Variants in YEATS4 observed in about 807,000 individuals in gnomAD.
YEATS4 encodes YEATS domain containing 4.
In YEATS4, 17 loss-of-function variants were observed where a neutral mutation model predicts 30.1. That is an observed-to-expected ratio of 0.56 (90% CI 0.39 to 0.85). The LOEUF is 0.85. YEATS4 is among the 40% of genes least tolerant of loss of function. The pLI is 0.00. For missense variants in YEATS4, 142 were observed against 268.3 expected, an observed-to-expected ratio of 0.53 and a Z score of 3.29; for synonymous variants, 85 against 87.5, an observed-to-expected ratio of 0.97 and a Z score of 0.16.
the YEATS4 span, among the ~76,000 whole-genome samples, chr12:69,417,922 A>G: frequency 2.6e-5 from 4 of 151,144 alleles, no homozygotes; most frequent in African/African-American, 9.7e-5. Flanking sequence ...AAAACTGCTG[A>G]TGGGGAAATC....
Position 69,362,924 on chromosome 12 carries a change from TC to T in YEATS4, c.171+18del. The T allele has an allele frequency of 6.5e-7, 1 of 1,547,394 alleles. No individual in the cohort carries two copies. The highest frequency in any genetic ancestry group is 8.7e-7 in the Non-Finnish European group (1 of 1,149,134). The stretch of plus-strand genomic sequence containing the variant: ...AGAAATGAGGTAGGCACTCGTTTTT[TC>T]TGTAACTGTTTTACTTAAAGTTGTC... On this transcript the variant is annotated intron_variant, in intron 2 of 6. Coordinates refer to ENST00000247843, the MANE Select transcript of YEATS4 (RefSeq NM_006530.4).
intron 6 of YEATS4, among the ~76,000 whole-genome samples, chr12:69,378,098 C>A (rs1002220490): frequency 9.2e-5 from 14 of 152,154 alleles, no homozygotes; most frequent in Non-Finnish European, 1.8e-4. Flanking sequence ...TATATAATGA[C>A]CCTGTCTCTT....
rs1404319176 is a variant in YEATS4 at position 69,390,695 on chromosome 12, T to G, written c.*379T>G. 1.3e-5 allele frequency: 2 copies of G among 153,446 alleles called. No homozygotes were observed. The highest frequency in any genetic ancestry group is 4.8e-5 in the African/African-American group (2 of 41,472). The allele number at this position is 153,446 out of a possible 1,614,324, so 9.5% of individuals were successfully genotyped here. Reference sequence around the variant, plus strand: ...TAGTGGCTAGAATTAGTGAAGAAACTTAATGTGTATATTTAATTTCTTCAA... The same window carrying G: ...TAGTGGCTAGAATTAGTGAAGAAACGTAATGTGTATATTTAATTTCTTCAA... On this transcript the variant is annotated 3_prime_UTR_variant, in exon 7 of 7. Transcript: ENST00000247843.
downstream of YEATS4, among the ~76,000 whole-genome samples, chr12:69,393,585 AAG>A (rs200223355): frequency 0.059 from 8,916 of 151,558 alleles, 381 homozygotes; most frequent in African/African-American, 0.12. Flanking sequence ...AAAAAAAAAA[AAG>A]GTAAATATTA....
At chr12:69,412,370 G>A in the YEATS4 span, among the ~76,000 whole-genome samples, 16 of 152,280 alleles carry the variant, frequency 1.1e-4, no homozygotes, top group South Asian at 2.1e-4. Context: ...GGTGAGGCAA[G>A]TCCGGGCGCG....
chr12:69,398,931 A>G, the YEATS4 span, among the ~76,000 whole-genome samples: 14 of 152,080 alleles, frequency 9.2e-5, no homozygotes, highest in Admixed American at 7.2e-4. Flanking sequence ...CAGGTGGATC[A>G]TGAGGTCAGG....
downstream of YEATS4, among the ~76,000 whole-genome samples, chr12:69,395,137 G>GTT (rs920549390): frequency 1.3e-5 from 2 of 151,754 alleles, no homozygotes; most frequent in Non-Finnish European, 2.9e-5. Flanking sequence ...ATTCACACTT[G>GTT]TTTACTTTTT....
chr12:69,401,201 T>TA, the YEATS4 span: 46,008 of 146,542 alleles, frequency 0.31, 7,932 homozygotes, highest in Non-Finnish European at 0.41. Flanking sequence ...CCTTGTCTCT[T>TA]AAAAAAAAAA....
At chr12:69,378,706 C>T (rs1029229055) in intron 6 of YEATS4, among the ~76,000 whole-genome samples, 1 of 152,098 alleles carries the variant, frequency 6.6e-6, no homozygotes, top group Non-Finnish European at 1.5e-5. Context: ...TTTGTTGTTT[C>T]TATTTATATC....
chr12:69,406,908 A>G, the YEATS4 span, among the ~76,000 whole-genome samples: 3 of 151,706 alleles, frequency 2.0e-5, no homozygotes, highest in Non-Finnish European at 2.9e-5. Context: ...TCGACTTCCC[A>G]GGCTCAAGTG....
intron 2 of YEATS4, among the ~76,000 whole-genome samples, chr12:69,363,228 C>T (rs1202464177): frequency 3.3e-5 from 5 of 151,696 alleles, no homozygotes; most frequent in African/African-American, 4.8e-5. Flanking sequence ...CTCCTGACCT[C>T]GTGATCCACC....
chr12:69,384,891 A>G (rs759318155), intron 6 of YEATS4, among the ~76,000 whole-genome samples: 6 of 152,226 alleles, frequency 3.9e-5, no homozygotes, highest in Non-Finnish European at 7.3e-5. Flanking sequence ...GTATGGACAG[A>G]CAGATAGAAT....
the YEATS4 span, among the ~76,000 whole-genome samples, chr12:69,417,152 A>T: frequency 3.7e-4 from 45 of 120,956 alleles, 1 homozygote; most frequent in East Asian, 0.011. Context: ...CATTTTTTAA[A>T]AATTTTTTTT....
At chr12:69,363,440 TTAAGA>T (rs1875312242) in intron 2 of YEATS4, among the ~76,000 whole-genome samples, 1 of 152,238 alleles carries the variant, frequency 6.6e-6, no homozygotes, top group African/African-American at 2.4e-5. Flanking sequence ...CTAATTAAAA[TTAAGA>T]TAACAAGAAC....
In YEATS4 at chr12:69,365,616, AAT is replaced by A. The variant is rs768350632; in HGVS notation, c.172-16_172-15del. The A allele has an allele frequency of 5.1e-6, 8 of 1,570,576 alleles. No homozygotes were observed. The highest frequency in any genetic ancestry group is 6.1e-6 in the Non-Finnish European group (7 of 1,143,714). Reference sequence around the variant, plus strand: ...TCATTTGTAGATCATAAAACTAACTAATTCCTTATATTTTAGGATATGTCAGC... The same window carrying A: ...TCATTTGTAGATCATAAAACTAACTATCCTTATATTTTAGGATATGTCAGC... On this transcript the variant is annotated splice_polypyrimidine_tract_variant and intron_variant, in intron 2 of 6. Transcript: ENST00000247843.
downstream of YEATS4, among the ~76,000 whole-genome samples, chr12:69,394,989 A>G (rs978226490): frequency 2.6e-5 from 4 of 152,182 alleles, no homozygotes; most frequent in African/African-American, 9.7e-5. Context: ...AAGCAAAGCA[A>G]AACAAAAAAA....
chr12:69,384,361 G>T lies in YEATS4; in HGVS notation c.515-5786G>T, dbSNP rs1195403853. On this transcript the variant is annotated intron_variant, in intron 6 of 6. Transcript: ENST00000247843. ...TATAAATAATATGTTTTGTGAAAAGGCTATAAATCTGTTTCAATGTGTTAA... is the reference window on the plus strand; with the variant it reads ...TATAAATAATATGTTTTGTGAAAAGTCTATAAATCTGTTTCAATGTGTTAA... 2.0e-5 allele frequency among the ~76,000 whole-genome samples: 3 copies of T among 152,162 alleles called. 1 individual carries two copies. The highest frequency in any genetic ancestry group is 1.9e-4 in the East Asian group (1 of 5,202).
intron 1 of YEATS4, among the ~76,000 whole-genome samples, chr12:69,360,511 A>G (rs1875155310): frequency 6.6e-6 from 1 of 152,232 alleles, no homozygotes; most frequent in Non-Finnish European, 1.5e-5. Context: ...CATGGTGTTC[A>G]CAAAGCCTCA....
At chr12:69,403,499 C>T in the YEATS4 span, among the ~76,000 whole-genome samples, 227 of 151,734 alleles carry the variant, frequency 1.5e-3, no homozygotes, top group Middle Eastern at 3.4e-3. Flanking sequence ...ATCCCTTGAA[C>T]CTGAGAGGCA....
Sources: gnomAD v4.1 joint callset for allele counts (sites outside exome capture counted in the v4.1 genomes callset) on GRCh38, gnomAD v4.1.1 for gene constraint, MANE v1.5 for transcripts, NCBI Gene and HGNC (gene_info 2026-07-23, HGNC 2026-07-21) for gene names.